The following STPG2 variants were observed in gnomAD, a reference collection of about 807,000 sequenced individuals.
STPG2 encodes sperm tail PG-rich repeat containing 2, also known as sperm-tail PG-rich repeat-containing protein 2.
A neutral mutation model predicts 54.2 loss-of-function variants in STPG2; 56 were observed. The observed-to-expected ratio is 1.03, with a 90% confidence interval of 0.83 to 1.29. The LOEUF (loss-of-function observed/expected upper bound fraction) is 1.29. Among genes scored for constraint, STPG2 ranks in the 50% most tolerant of loss-of-function variants. The probability of loss-of-function intolerance (pLI) is 0.00; values close to 1 mark genes in which losing one functional copy is unlikely to be tolerated. For synonymous variants in STPG2, 200 were observed against 181.8 expected (o/e 1.10, Z -0.81); for missense variants, 596 against 544.9 (o/e 1.09, Z -0.93).
chr4:97,713,875 T>A (rs992546218), intron 9 of STPG2, among the ~76,000 whole-genome samples: 1 of 152,142 alleles, frequency 6.6e-6, no homozygotes, highest in Non-Finnish European at 1.5e-5. Context: ...AACAATACTA[T>A]TGAGTGTCTA....
intron 10 of STPG2, among the ~76,000 whole-genome samples, chr4:97,705,330 TC>T (rs1313570938): frequency 2.1e-5 from 2 of 95,538 alleles, no homozygotes; most frequent in African/African-American, 4.5e-5. Flanking sequence ...ACTTAGAAAT[TC>T]TTTTTTTTTT....
At chr4:97,853,133 C>T (rs754517604) in intron 8 of STPG2, among the ~76,000 whole-genome samples, 29 of 151,778 alleles carry the variant, frequency 1.9e-4, no homozygotes, top group Non-Finnish European at 3.8e-4. Context: ...CCCGCCACCG[C>T]GCCCAGCTAA....
At chr4:97,903,872 G>A (rs566687965) in intron 8 of STPG2, among the ~76,000 whole-genome samples, 18 of 152,290 alleles carry the variant, frequency 1.2e-4, no homozygotes, top group East Asian at 5.8e-4. Flanking sequence ...ACTCCCACCC[G>A]AATACTGCGC....
chr4:97,796,480 G>T (rs1299583066), intron 9 of STPG2, among the ~76,000 whole-genome samples: 4 of 151,946 alleles, frequency 2.6e-5, no homozygotes, highest in South Asian at 2.1e-4. Flanking sequence ...TTTCTTGTTT[G>T]TGTCAGGTTT....
At chr4:97,509,053 T>G (rs1730912058) in intron 4 of STPG2, among the ~76,000 whole-genome samples, 1 of 152,108 alleles carries the variant, frequency 6.6e-6, no homozygotes, top group African/African-American at 2.4e-5. Flanking sequence ...GTGTTACCAA[T>G]GTACTCAGAG....
chr4:97,744,746 A>G lies in STPG2; in HGVS notation c.1205-31932T>C, dbSNP rs182656672. 4.2e-3 allele frequency among the ~76,000 whole-genome samples: 637 copies of G among 151,586 alleles called. 3 individuals carry two copies. The highest frequency in any genetic ancestry group is 0.024 in the South Asian group (117 of 4,832). On this transcript the variant is annotated intron_variant, in intron 9 of 10. Coordinates refer to ENST00000295268, the MANE Select transcript of STPG2 (RefSeq NM_174952.3). ...CAACAATGATAACACTATGCTGTATAAAAGCTATGTGAATGTTGTCTGTCT... is the reference window on the plus strand; with the variant it reads ...CAACAATGATAACACTATGCTGTATGAAAGCTATGTGAATGTTGTCTGTCT...
At chr4:97,749,211 T>G (rs1223861773) in intron 9 of STPG2, among the ~76,000 whole-genome samples, 2 of 151,738 alleles carry the variant, frequency 1.3e-5, no homozygotes, top group African/African-American at 2.4e-5. Context: ...GTATCTTGCT[T>G]TACTTAAACC....
chr4:97,845,057 A>T (rs1035168537), intron 8 of STPG2, among the ~76,000 whole-genome samples: 2 of 151,570 alleles, frequency 1.3e-5, no homozygotes, highest in African/African-American at 4.8e-5. Context: ...AAGATTCTCT[A>T]TTGGCTCACT....
chr4:97,793,476 A>G (rs1295964354), intron 9 of STPG2, among the ~76,000 whole-genome samples: 1 of 152,000 alleles, frequency 6.6e-6, no homozygotes, highest in African/African-American at 2.4e-5. Flanking sequence ...ATGCACTTAC[A>G]TACATATAAA....
At chr4:98,066,686 C>T (rs781389160) in intron 5 of STPG2, among the ~76,000 whole-genome samples, 35 of 152,214 alleles carry the variant, frequency 2.3e-4, no homozygotes, top group African/African-American at 5.3e-4. Context: ...TGAAAAAAGA[C>T]GGCAAAAATG....
intron 9 of STPG2, among the ~76,000 whole-genome samples, chr4:97,793,256 T>C (rs988290677): frequency 1.3e-5 from 2 of 152,090 alleles, no homozygotes; most frequent in African/African-American, 4.8e-5. Context: ...CTAACAACTA[T>C]GTAACATACT....
At chr4:98,076,947 A>G (rs1365454518) in intron 5 of STPG2, among the ~76,000 whole-genome samples, 1 of 152,034 alleles carries the variant, frequency 6.6e-6, no homozygotes, top group Non-Finnish European at 1.5e-5. Context: ...CATTTAATCA[A>G]CAAACAAAAT....
intron 4 of STPG2, among the ~76,000 whole-genome samples, chr4:97,459,440 G>GTTTTTTTT (rs564314656): frequency 8.2e-6 from 1 of 122,490 alleles, no homozygotes; most frequent in African/African-American, 3.1e-5. Flanking sequence ...GTTTTTTTTT[G>GTTTTTTTT]TTTTTTTTTT....
chr4:98,020,707 G>A (rs995967234), intron 5 of STPG2, among the ~76,000 whole-genome samples: 2 of 152,136 alleles, frequency 1.3e-5, no homozygotes, highest in Admixed American at 6.6e-5. Context: ...CCTGTTATTG[G>A]TCTATTCAGA....
chr4:97,615,486 C>T (rs1347608604), intron 10 of STPG2, among the ~76,000 whole-genome samples: 1 of 151,958 alleles, frequency 6.6e-6, no homozygotes, highest in Non-Finnish European at 1.5e-5. Context: ...CGAAATCTTG[C>T]TGTATTGCTC....
In STPG2 at chr4:97,576,984, G is replaced by T. The variant is rs544607469; in HGVS notation, c.1321-17867C>A. Among the ~76,000 whole-genome samples, 3 of 152,196 alleles carry T rather than the reference G, an allele frequency of 2.0e-5. No individual in the cohort carries two copies. The East Asian group carries it at 5.8e-4, about 29-fold the overall frequency. On this transcript the variant is annotated intron_variant, in intron 10 of 10. Coordinates refer to ENST00000295268, the MANE Select transcript of STPG2 (RefSeq NM_174952.3). Reference sequence around the variant, plus strand: ...AAAGAAGATCTACCAATAAACATATGAAAAATGCTCATCATCACTAATCAT... The same window carrying T: ...AAAGAAGATCTACCAATAAACATATTAAAAATGCTCATCATCACTAATCAT...
intron 5 of STPG2, among the ~76,000 whole-genome samples, chr4:98,053,044 C>T (rs1270152092): frequency 6.6e-6 from 1 of 152,102 alleles, no homozygotes; most frequent in African/African-American, 2.4e-5. Flanking sequence ...ACTGATGAAA[C>T]ATTAGAAAAC....
chr4:97,489,020 G>A (rs1299278593), intron 4 of STPG2, among the ~76,000 whole-genome samples: 2 of 151,678 alleles, frequency 1.3e-5, no homozygotes, highest in African/African-American at 2.4e-5. Context: ...CCCAGTGGGA[G>A]GTCATTGAAT....
intron 8 of STPG2, among the ~76,000 whole-genome samples, chr4:97,910,412 T>C (rs1406357799): frequency 1.3e-5 from 2 of 152,176 alleles, no homozygotes; most frequent in African/African-American, 4.8e-5. Flanking sequence ...CTAAAATCAA[T>C]ATAGCAAAAG....
Sources: gnomAD v4.1 joint callset for allele counts (sites outside exome capture counted in the v4.1 genomes callset) on GRCh38, gnomAD v4.1.1 for gene constraint, MANE v1.5 for transcripts, NCBI Gene and HGNC (gene_info 2026-07-23, HGNC 2026-07-21) for gene names.